PC: variants seen among roughly 807,000 people sequenced by gnomAD.
PC encodes the protein pyruvate carboxylase, mitochondrial.
PC carries 46 observed loss-of-function variants against 107.8 expected under a neutral mutation model. The ratio of observed to expected loss-of-function variants is 0.43; its 90% CI spans 0.34 to 0.55. The LOEUF is 0.55. Ranked by LOEUF, PC falls within the 20% of genes least tolerant of loss-of-function variation. The pLI, the probability that PC is intolerant of heterozygous loss-of-function variation, is 0.04. For synonymous variants in PC, 662 were observed against 684.7 expected (o/e 0.97, Z 0.52); for missense variants, 1,241 against 1,643.1 (o/e 0.76, Z 4.23).
At chr11:66,860,042 T>G (rs774122946) in intron 12 of PC, 4 of 1,578,632 alleles carry the variant, frequency 2.5e-6, no homozygotes, top group Non-Finnish European at 3.4e-6. Context: ...GCAGCTGCTC[T>G]CTGGACCTGG....
intron 3 of PC, among the ~76,000 whole-genome samples, chr11:66,901,315 G>A (rs1016111570): frequency 1.3e-5 from 2 of 152,184 alleles, no homozygotes; most frequent in African/African-American, 4.8e-5. Context: ...GTAGGTAGGA[G>A]GCGGTGGAGA....
In PC at chr11:66,850,838, A is replaced by G; in HGVS notation, c.2309T>C (p.Ile770Thr). 1 of 1,612,176 alleles carries G rather than the reference A, an allele frequency of 6.2e-7. No homozygotes were observed. Among genetic ancestry groups the G allele is most frequent in the East Asian group, 2.2e-5 (1 of 44,888 alleles). The change falls in exon 18 of 23, where the codon ATC (isoleucine) becomes ACC (threonine). Residue 770 changes from isoleucine to threonine, a missense_variant. By Grantham distance (89) the Ile-to-Thr change is moderately conservative (BLOSUM62 -1). This residue lies in a region of PC where 1,143 missense variants were observed against 1,551.9 expected (regional missense o/e 0.74). Transcript: ENST00000393960. ...RDRFPDLPLH[I>T]HTHDTSGAGV... ...TGCCCCTGACGTGTCGTGGGTGTGG[A>G]TGTGCAGTGGGAGGTCGGGGAAGCG...
At position 66,868,866 on chromosome 11, in the gene PC, C is replaced by T. The variant is rs778602769; in HGVS notation, c.1002G>A (p.Thr334=). The change falls in exon 10 of 23, where the codon ACG becomes ACA. Residue 334 remains threonine, a synonymous_variant. Transcript: ENST00000393960. ...EVNSRLQVEH[T]VTEEITDVDL... is the part of the protein sequence containing the mutation. Reference sequence around the variant, plus strand: ...CTCACTCGGTGATCTCCTCTGTGACCGTGTGCTCCACCTGCAGGCGGGAGT... The same window carrying T: ...CTCACTCGGTGATCTCCTCTGTGACTGTGTGCTCCACCTGCAGGCGGGAGT... 26 of 1,613,146 alleles carry T rather than the reference C, an allele frequency of 1.6e-5. No homozygotes were observed. The highest frequency in any genetic ancestry group is 3.3e-5 in the Admixed American group (2 of 59,994).
At chr11:66,854,806 CCA>C (rs1565218932) in intron 12 of PC, among the ~76,000 whole-genome samples, 4 of 152,354 alleles carry the variant, frequency 2.6e-5, no homozygotes, top group East Asian at 1.9e-4. Context: ...CAGGTGCTCA[CCA>C]CAGAGTGGGA....
rs374346244 is a variant in PC, at chr11:66,858,835, T to G, written c.1368+4939A>C. 4.0e-4 allele frequency: 619 copies of G among 1,551,764 alleles called. No homozygotes were observed. Among genetic ancestry groups the G allele is most frequent in the Non-Finnish European group, 4.8e-4 (548 of 1,149,296 alleles). ...CCTGCTGGTGAGGCCACAGCCCGAG[T>G]AGAACTGCGGGTGCTGGCCTTGCCC... On this transcript the variant is annotated intron_variant, in intron 12 of 22. Transcript: ENST00000393960. This position sits in a 1 kb window ranked among gnomAD's most constrained non-coding sequence, Gnocchi z 5.9.
chr11:66,897,778 G>C (rs375457434), intron 3 of PC, among the ~76,000 whole-genome samples: 2 of 152,068 alleles, frequency 1.3e-5, no homozygotes, highest in African/African-American at 2.4e-5. Flanking sequence ...TGAGCTCTAC[G>C]GGGGCAGACA....
At position 66,853,133 on chromosome 11, in the gene PC, G is replaced by T. The variant is rs562321177; in HGVS notation, c.1513+106C>A. On this transcript the variant is annotated intron_variant, in intron 13 of 22. Coordinates refer to ENST00000393960, the MANE Select transcript of PC (RefSeq NM_001040716.2). ...AATGAGGGCAGGGGTGAGGGGCAGG[G>T]GGCACTAAGGAGTTCTTTGGTCATG... is the stretch of plus-strand genomic sequence containing the variant. 1.9e-5 allele frequency: 25 copies of T among 1,292,954 alleles called. No individual in the cohort carries two copies. The East Asian group carries it at 4.8e-4, about 25-fold the overall frequency. 80.1% of individuals were successfully genotyped at this position (1,292,954 alleles called of 1,614,324 possible).
chr11:66,933,879 T>C lies in PC; in HGVS notation c.-1+18551A>G, dbSNP rs117771288. 8.8e-3 allele frequency among the ~76,000 whole-genome samples: 1,346 copies of C among 152,260 alleles called. 9 individuals are homozygous for C. The highest frequency in any genetic ancestry group is 0.016 in the Admixed American group (245 of 15,288). On this transcript the variant is annotated intron_variant, in intron 3 of 22. Coordinates refer to ENST00000393960, the MANE Select transcript of PC (RefSeq NM_001040716.2). ...TGGCTCAAGCATCTCAGGGGCTTCT[T>C]ATTGTCTCAAATCCCAACACGCAGC...
At chr11:66,926,601 A>G (rs1334472604) in intron 3 of PC, among the ~76,000 whole-genome samples, 1 of 152,208 alleles carries the variant, frequency 6.6e-6, no homozygotes, top group Non-Finnish European at 1.5e-5. Context: ...TCTGGTTACC[A>G]GTACTATACA....
intron 12 of PC, among the ~76,000 whole-genome samples, chr11:66,855,213 C>T (rs1396381996): frequency 2.6e-5 from 4 of 152,238 alleles, no homozygotes; most frequent in Non-Finnish European, 5.9e-5. Flanking sequence ...CTCCTCCATA[C>T]TGTAAGCTCT....
chr11:66,850,514 C>T, intron 18 of PC, 50 bp from the exon 19 acceptor site: 1 of 1,612,570 alleles, frequency 6.2e-7, no homozygotes. Flanking sequence ...GTGACTCTTC[C>T]AGGACCCAGG....
At chr11:66,943,564 T>C (rs1314687484) in intron 3 of PC, among the ~76,000 whole-genome samples, 1 of 150,634 alleles carries the variant, frequency 6.6e-6, no homozygotes, top group East Asian at 2.0e-4. Flanking sequence ...GCTAACACGA[T>C]GGAACCCTGT....
At chr11:66,929,071 G>A (rs1347624614) in intron 3 of PC, among the ~76,000 whole-genome samples, 2 of 152,060 alleles carry the variant, frequency 1.3e-5, no homozygotes, top group Non-Finnish European at 2.9e-5. Context: ...ACCTAGTACC[G>A]ACAGGTCAAC....
chr11:66,943,572 T>C (rs1423464456), intron 3 of PC, among the ~76,000 whole-genome samples: 20 of 150,026 alleles, frequency 1.3e-4, no homozygotes, highest in Admixed American at 1.3e-3. Flanking sequence ...GATGGAACCC[T>C]GTCTCTACTA....
intron 3 of PC, among the ~76,000 whole-genome samples, chr11:66,873,513 T>TATTATATAATATTATAATA (rs1209733247): frequency 5.5e-4 from 1 of 1,822 alleles, no homozygotes; most frequent in Non-Finnish European, 2.3e-3. Context: ...ATATTATATA[T>TATTATATAATATTATAATA]TATATTATAT....
intron 3 of PC, among the ~76,000 whole-genome samples, chr11:66,882,636 G>A (rs1233971299): frequency 6.6e-6 from 1 of 152,212 alleles, no homozygotes; most frequent in African/African-American, 2.4e-5. Context: ...ACCAGCACCC[G>A]CACCAGGCTG....
intron 3 of PC, among the ~76,000 whole-genome samples, chr11:66,915,500 G>A (rs943130699): frequency 1.3e-5 from 2 of 152,200 alleles, no homozygotes; most frequent in East Asian, 1.9e-4. Flanking sequence ...AGTCCTGCTC[G>A]GTAAACAGTT....
chr11:66,928,777 C>T (rs970799184), intron 3 of PC, among the ~76,000 whole-genome samples: 2 of 151,914 alleles, frequency 1.3e-5, no homozygotes, highest in African/African-American at 4.8e-5. Context: ...CACCTACCTC[C>T]GACTCCCAAA....
intron 3 of PC, among the ~76,000 whole-genome samples, chr11:66,920,897 G>T (rs1311943736): frequency 6.6e-6 from 1 of 152,064 alleles, no homozygotes; most frequent in African/African-American, 2.4e-5. Context: ...AATTAGCCAG[G>T]CATGGTGGTA....
Sources: allele counts gnomAD v4.1 joint callset (sites outside exome capture counted in the v4.1 genomes callset), GRCh38; gene constraint gnomAD v4.1.1; regional missense constraint gnomAD v4.1.1; non-coding constraint Gnocchi (gnomAD v3.1); transcripts MANE v1.5; gene names NCBI Gene and HGNC (gene_info 2026-07-23, HGNC 2026-07-21).